BMP5: variants seen among roughly 807,000 people sequenced by gnomAD.
BMP5 encodes the protein bone morphogenetic protein 5.
Under a neutral mutation model 46.6 loss-of-function variants are expected in BMP5, and 23 were observed. That is an observed-to-expected ratio of 0.49 (90% CI 0.35 to 0.70). The LOEUF is 0.70. BMP5 is among the 30% of genes least tolerant of loss of function. The pLI is 0.00. For synonymous variants in BMP5, 204 were observed against 191.9 expected (o/e 1.06, Z -0.52); for missense variants, 545 against 565.6 (o/e 0.96, Z 0.37).
intron 1 of BMP5, among the ~76,000 whole-genome samples, chr6:55,833,616 T>C (rs1328617009): frequency 6.6e-6 from 1 of 152,180 alleles, no homozygotes; most frequent in Non-Finnish European, 1.5e-5. Context: ...AAAGAGAAAC[T>C]GAATGCATCT....
chr6:55,799,780 G>A (rs1316230654), intron 2 of BMP5, among the ~76,000 whole-genome samples: 2 of 152,116 alleles, frequency 1.3e-5, no homozygotes, highest in African/African-American at 2.4e-5. Flanking sequence ...GCTGCTGCCC[G>A]AGATACAGAC....
At chr6:55,850,435 A>G (rs1342115336) in intron 1 of BMP5, among the ~76,000 whole-genome samples, 2 of 152,112 alleles carry the variant, frequency 1.3e-5, no homozygotes. Flanking sequence ...AGGTAGATAG[A>G]TAGATCCCTA....
chr6:55,862,024 G>T (rs1777537674), intron 1 of BMP5, among the ~76,000 whole-genome samples: 1 of 152,170 alleles, frequency 6.6e-6, no homozygotes, highest in South Asian at 2.1e-4. Flanking sequence ...AATGCTATTT[G>T]CATGCTCTCT....
At chr6:55,793,236 C>CA (rs1260665519) in intron 3 of BMP5, among the ~76,000 whole-genome samples, 1 of 152,190 alleles carries the variant, frequency 6.6e-6, no homozygotes, top group Admixed American at 6.5e-5. Flanking sequence ...ACCATCACCA[C>CA]AGTCTGCAAA....
At chr6:55,872,608 C>T (rs924350667) in intron 1 of BMP5, among the ~76,000 whole-genome samples, 6 of 151,588 alleles carry the variant, frequency 4.0e-5, no homozygotes, top group Non-Finnish European at 7.4e-5. Context: ...AAAAAGTAAA[C>T]ACATAAATCC....
At chr6:55,838,232 T>C (rs1335914395) in intron 1 of BMP5, among the ~76,000 whole-genome samples, 4 of 152,206 alleles carry the variant, frequency 2.6e-5, no homozygotes, top group Admixed American at 6.5e-5. Flanking sequence ...TTCTCCATAG[T>C]GGTTATACTA....
intron 1 of BMP5, among the ~76,000 whole-genome samples, chr6:55,863,272 A>T (rs927001175): frequency 6.6e-6 from 1 of 152,202 alleles, no homozygotes; most frequent in Non-Finnish European, 1.5e-5. Context: ...AATATAAGCC[A>T]TTATTATTGT....
chr6:55,853,707 T>A (rs570395407), intron 1 of BMP5, among the ~76,000 whole-genome samples: 4 of 152,308 alleles, frequency 2.6e-5, no homozygotes, highest in African/African-American at 9.6e-5. Flanking sequence ...ATTTTTATTA[T>A]TTATCCTTTA....
At chr6:55,791,116 A>G (rs977910674) in intron 3 of BMP5, among the ~76,000 whole-genome samples, 2 of 152,218 alleles carry the variant, frequency 1.3e-5, no homozygotes, top group Non-Finnish European at 2.9e-5. Context: ...TATATTACTG[A>G]AAATAAAAGA....
chr6:55,861,590 T>C (rs1485144013), intron 1 of BMP5, among the ~76,000 whole-genome samples: 1 of 152,224 alleles, frequency 6.6e-6, no homozygotes, highest in Non-Finnish European at 1.5e-5. Flanking sequence ...CAGTGCTTCT[T>C]TTCCTCTGTT....
intron 1 of BMP5, among the ~76,000 whole-genome samples, chr6:55,830,978 TA>T (rs1776650499): frequency 6.6e-6 from 1 of 152,022 alleles, no homozygotes; most frequent in African/African-American, 2.4e-5. Context: ...TTTTTTTTCC[TA>T]AAGAAGGGAA....
chr6:55,832,831 A>G (rs982361231), intron 1 of BMP5, among the ~76,000 whole-genome samples: 1 of 152,064 alleles, frequency 6.6e-6, no homozygotes, highest in African/African-American at 2.4e-5. Context: ...AAGTCATAGT[A>G]CAGGTGCAGT....
intron 1 of BMP5, among the ~76,000 whole-genome samples, chr6:55,850,706 C>A (rs9475432): frequency 0.45 from 69,048 of 151,870 alleles, 16,131 homozygotes; most frequent in Middle Eastern, 0.55. Context: ...CCATGTCTGT[C>A]TTTTATTAGA....
intron 6 of BMP5, among the ~76,000 whole-genome samples, chr6:55,757,227 T>C (rs1189841353): frequency 1.3e-5 from 2 of 151,960 alleles, no homozygotes; most frequent in Non-Finnish European, 2.9e-5. Context: ...TAAGTAGGCA[T>C]TGCTTAGCCT....
At chr6:55,861,879 A>C (rs1777533699) in intron 1 of BMP5, among the ~76,000 whole-genome samples, 1 of 152,252 alleles carries the variant, frequency 6.6e-6, no homozygotes. Flanking sequence ...ACAGCATATC[A>C]GTGAATAGCT....
chr6:55,821,960 A>G (rs1036717650), intron 1 of BMP5, among the ~76,000 whole-genome samples: 1 of 152,208 alleles, frequency 6.6e-6, no homozygotes, highest in Admixed American at 6.5e-5. Flanking sequence ...AGATGACATC[A>G]TGTGACCATA....
chr6:55,805,341 G>A (rs1291188614), intron 2 of BMP5, among the ~76,000 whole-genome samples: 5 of 152,068 alleles, frequency 3.3e-5, no homozygotes, highest in African/African-American at 7.2e-5. Flanking sequence ...CTATCAACCC[G>A]TCATCAAAGT....
intron 2 of BMP5, among the ~76,000 whole-genome samples, chr6:55,795,384 T>C (rs1469408078): frequency 1.3e-5 from 2 of 152,030 alleles, no homozygotes; most frequent in African/African-American, 4.8e-5. Flanking sequence ...TGATATTGTA[T>C]TGAATCTATT....
intron 4 of BMP5, among the ~76,000 whole-genome samples, chr6:55,765,665 T>C (rs1364980862): frequency 6.6e-6 from 1 of 152,170 alleles, no homozygotes; most frequent in Non-Finnish European, 1.5e-5. Flanking sequence ...TCTAGCTTAA[T>C]CATTATTTTC....
Sources: allele counts gnomAD v4.1 joint callset (sites outside exome capture counted in the v4.1 genomes callset), GRCh38; gene constraint gnomAD v4.1.1; transcripts MANE v1.5; gene names NCBI Gene and HGNC (gene_info 2026-07-23, HGNC 2026-07-21).